The following AHI1 variants were observed in gnomAD, a reference collection of about 807,000 sequenced individuals.
AHI1 encodes Abelson helper integration site 1.
Under a neutral mutation model 149.3 loss-of-function variants are expected in AHI1, and 123 were observed. The observed-to-expected ratio is 0.82, with a 90% CI of 0.71 to 0.96. The LOEUF (loss-of-function observed/expected upper bound fraction) is 0.96. AHI1 is among the 40% of genes least tolerant of loss of function. The pLI is 0.00. For synonymous variants in AHI1, 475 were observed against 459.8 expected (o/e 1.03, Z -0.42); for missense variants, 1,439 against 1,422.7 (o/e 1.01, Z -0.18).
chr6:135,385,604 CATT>C (rs529226346), intron 23 of AHI1, among the ~76,000 whole-genome samples: 264 of 152,274 alleles, frequency 1.7e-3, no homozygotes, highest in African/African-American at 6.0e-3. Flanking sequence ...TGTCTGAAAA[CATT>C]ATTGGAGGGC....
chr6:135,423,436 A>T (rs1054657542), intron 20 of AHI1, among the ~76,000 whole-genome samples: 7 of 152,188 alleles, frequency 4.6e-5, no homozygotes, highest in African/African-American at 1.7e-4. Context: ...AACAAATTTT[A>T]TAGGAAACTA....
Position 135,318,534 on chromosome 6 carries a change from A to G in AHI1, c.3411T>C (p.Ser1137=). 1 of 1,591,128 alleles carries G rather than the reference A, an allele frequency of 6.3e-7. No individual in the cohort carries two copies. The highest frequency in any genetic ancestry group is 8.6e-7 in the Non-Finnish European group (1 of 1,167,394). Residue 1137 remains serine (S), a synonymous_variant, in exon 26 of 29, where the codon TCT becomes TCC. Coordinates refer to ENST00000265602, the MANE Select transcript of AHI1 (RefSeq NM_001134831.2). The part of the protein sequence containing the change: ...SPEEKTKIEK[S]PAPQKQSINK... Reference sequence around the variant, plus strand: ...AAACATTTACCTTTTGAGGAGCTGGAGATTTTTCTATTTTAGTTTTTTCCT... The same window carrying G: ...AAACATTTACCTTTTGAGGAGCTGGGGATTTTTCTATTTTAGTTTTTTCCT...
At chr6:135,395,793 T>A (rs1583015979) in intron 22 of AHI1, among the ~76,000 whole-genome samples, 1 of 151,912 alleles carries the variant, frequency 6.6e-6, no homozygotes, top group African/African-American at 2.4e-5. Context: ...AAAAATGTAA[T>A]CTGTAAATAA....
At chr6:135,321,640 G>T (rs1048048946) in intron 25 of AHI1, among the ~76,000 whole-genome samples, 1 of 152,146 alleles carries the variant, frequency 6.6e-6, no homozygotes, top group African/African-American at 2.4e-5. Context: ...ACTTAGGTTA[G>T]AATCAATAAT....
intron 5 of AHI1, among the ~76,000 whole-genome samples, chr6:135,478,026 C>G (rs764891623): frequency 1.3e-5 from 2 of 152,046 alleles, no homozygotes; most frequent in African/African-American, 2.4e-5. Flanking sequence ...GTCTCAAACA[C>G]CTGACCTCAG....
intron 20 of AHI1, among the ~76,000 whole-genome samples, chr6:135,417,456 T>C (rs1407791891): frequency 6.6e-6 from 1 of 152,020 alleles, no homozygotes; most frequent in Non-Finnish European, 1.5e-5. Flanking sequence ...TATTATAATA[T>C]GCTAAACATG....
chr6:135,480,012 C>G (rs115886701), intron 5 of AHI1, among the ~76,000 whole-genome samples: 6,324 of 152,200 alleles, frequency 0.042, 377 homozygotes, highest in African/African-American at 0.13. Flanking sequence ...GTCTGGAAGC[C>G]TCCCCAGCCA....
intron 24 of AHI1, among the ~76,000 whole-genome samples, chr6:135,357,806 T>A (rs946006221): frequency 6.6e-6 from 1 of 152,210 alleles, no homozygotes. Context: ...AGTTCTATAA[T>A]AATAAAGCAA....
chr6:135,484,753 T>C (rs1212440746), intron 5 of AHI1, among the ~76,000 whole-genome samples: 1 of 151,604 alleles, frequency 6.6e-6, no homozygotes, highest in African/African-American at 2.4e-5. Context: ...AGTTGGTTTT[T>C]GACCAAAAAA....
chr6:135,441,883 T>G (rs1416065870), intron 14 of AHI1, among the ~76,000 whole-genome samples: 1 of 152,072 alleles, frequency 6.6e-6, no homozygotes, highest in African/African-American at 2.4e-5. Context: ...TATGAGTCCC[T>G]GATTAAAAAA....
At chr6:135,302,058 C>A in intron 26 of AHI1, 1 of 965,142 alleles carries the variant, frequency 1.0e-6, no homozygotes, top group African/African-American at 1.8e-5. Flanking sequence ...GTGGCATGAT[C>A]GTAGCTCACT....
chr6:135,406,856 CT>C (rs1418448339), intron 21 of AHI1, among the ~76,000 whole-genome samples: 1 of 152,058 alleles, frequency 6.6e-6, no homozygotes, highest in Non-Finnish European at 1.5e-5. Flanking sequence ...TGTTAATCAA[CT>C]TTTTGTAGGA....
At chr6:135,467,531 T>C (rs1292999365) in intron 6 of AHI1, 50 bp downstream of exon 6, 1 of 1,465,296 alleles carries the variant, frequency 6.8e-7, no homozygotes, top group East Asian at 2.3e-5. Context: ...CAATTTGTTT[T>C]TAGTGACTCT....
chr6:135,439,703 T>A (rs547773211), intron 14 of AHI1, among the ~76,000 whole-genome samples: 6 of 152,302 alleles, frequency 3.9e-5, no homozygotes, highest in East Asian at 1.9e-4. Context: ...TGGCCTTTAG[T>A]GCATGGTAAG....
intron 5 of AHI1, among the ~76,000 whole-genome samples, chr6:135,473,265 T>C (rs1792042896): frequency 6.6e-6 from 1 of 152,178 alleles, no homozygotes; most frequent in Non-Finnish European, 1.5e-5. Flanking sequence ...ACATATATAT[T>C]TGAATCTATT....
At chr6:135,375,662 C>T (rs1047354361) in intron 23 of AHI1, among the ~76,000 whole-genome samples, 14 of 152,078 alleles carry the variant, frequency 9.2e-5, no homozygotes, top group East Asian at 3.9e-4. Flanking sequence ...TTATGTCAAA[C>T]GAAAGCATAC....
chr6:135,403,766 A>G (rs1295599591), intron 22 of AHI1, among the ~76,000 whole-genome samples: 1 of 152,190 alleles, frequency 6.6e-6, no homozygotes, highest in Non-Finnish European at 1.5e-5. Flanking sequence ...CATCTGCAGT[A>G]CAAGTCAGAA....
chr6:135,373,134 A>T (rs1775318743), intron 23 of AHI1, among the ~76,000 whole-genome samples: 1 of 152,236 alleles, frequency 6.6e-6, no homozygotes, highest in Non-Finnish European at 1.5e-5. Flanking sequence ...TTAGTGCAAA[A>T]CTGAAATGTT....
At position 135,324,600 on chromosome 6, in the gene AHI1, ACG is replaced by A. The variant is rs897852205; in HGVS notation, c.3166-1278_3166-1277del. On this transcript the variant is annotated intron_variant, in intron 24 of 28. Transcript: ENST00000265602. ...TATAGCATGTCTCAGTGTGCACAGC[ACG>A]TGAGAGTCCAGGGAAGAGAAACCTA... 4.1e-4 allele frequency among the ~76,000 whole-genome samples: 62 copies of A among 151,258 alleles called. 1 individual carries two copies. The highest frequency in any genetic ancestry group is 1.5e-3 in the African/African-American group (60 of 41,214).
Sources: gnomAD v4.1 joint callset for allele counts (sites outside exome capture counted in the v4.1 genomes callset) on GRCh38, gnomAD v4.1.1 for gene constraint, MANE v1.5 for transcripts, NCBI Gene and HGNC (gene_info 2026-07-23, HGNC 2026-07-21) for gene names.